DAB1: variants seen among roughly 807,000 people sequenced by gnomAD.
DAB1 encodes disabled homolog 1.
Under a neutral mutation model 64.6 loss-of-function variants are expected in DAB1, and 15 were observed. The observed-to-expected ratio is 0.23, with a 90% CI of 0.16 to 0.36. The LOEUF is 0.36. DAB1 is among the 10% of genes least tolerant of loss of function. The pLI is 1.00. For synonymous variants in DAB1, 235 were observed against 251.9 expected (o/e 0.93, Z 0.64); for missense variants, 596 against 706.7 (o/e 0.84, Z 1.78).
intron 6 of DAB1, among the ~76,000 whole-genome samples, chr1:57,795,647 C>A (rs1650809428): frequency 7.3e-6 from 1 of 136,346 alleles, no homozygotes; most frequent in East Asian, 2.3e-4. Context: ...TTTTATTTTA[C>A]TTATACTCTT....
chr1:57,190,872 A>T lies in DAB1; in HGVS notation c.68-45443T>A, dbSNP rs553446460. On this transcript the variant is annotated intron_variant, in intron 2 of 14. Transcript: ENST00000371236. ...AATCCTCTAAAGTGCAGATTTAGGAATACTTCAGACTTACAAGTGGTTTTG... is the reference window on the plus strand; with the variant it reads ...AATCCTCTAAAGTGCAGATTTAGGATTACTTCAGACTTACAAGTGGTTTTG... Among the ~76,000 whole-genome samples the T allele has an allele frequency of 2.0e-5, 3 of 152,316 alleles. No homozygotes were observed. The East Asian group carries it at 5.8e-4, about 29-fold the overall frequency.
intron 6 of DAB1, among the ~76,000 whole-genome samples, chr1:57,798,372 CT>C (rs759012163): frequency 6.6e-6 from 1 of 152,172 alleles, no homozygotes; most frequent in Non-Finnish European, 1.5e-5. Context: ...TATTGGCTGC[CT>C]GCTTTGACAG....
In DAB1 at chr1:58,012,371, G is replaced by A. The variant is rs141667010; in HGVS notation, n.388-128209C>T. Among the ~76,000 whole-genome samples, 1,294 of 152,158 alleles carry A rather than the reference G, an allele frequency of 8.5e-3. 10 individuals carry two copies. The highest frequency in any genetic ancestry group is 0.041 in the Middle Eastern group (12 of 294). ...GGGACTCAGGTTGCCTTCATTATAC[G>A]TCTCTGACACCCCTGTGGCCTCTTC... is the stretch of plus-strand genomic sequence containing the variant. On this transcript the variant is annotated intron_variant and non_coding_transcript_variant, in intron 5 of 20. Transcript: ENST00000485760.
chr1:57,986,591 C>T (rs1646224627), intron 5 of DAB1, among the ~76,000 whole-genome samples: 1 of 152,148 alleles, frequency 6.6e-6, no homozygotes, highest in African/African-American at 2.4e-5. Context: ...TTACAGAGGA[C>T]CACGTGTTCT....
intron 2 of DAB1, among the ~76,000 whole-genome samples, chr1:58,518,921 T>A (rs1272906265): frequency 6.6e-6 from 1 of 152,134 alleles, no homozygotes; most frequent in African/African-American, 2.4e-5. Context: ...TGAGAAAAGT[T>A]GAGGCACAAA....
intron 1 of DAB1, among the ~76,000 whole-genome samples, chr1:57,395,135 A>C (rs1682700715): frequency 6.6e-6 from 1 of 152,050 alleles, no homozygotes; most frequent in Non-Finnish European, 1.5e-5. Context: ...GGCGATTCTC[A>C]TGCCTCAGCC....
intron 7 of DAB1, among the ~76,000 whole-genome samples, chr1:57,510,086 G>A (rs1274780536): frequency 6.6e-6 from 1 of 152,140 alleles, no homozygotes; most frequent in South Asian, 2.1e-4. Flanking sequence ...AATGACAATA[G>A]TTTGCCTTTG....
chr1:57,390,289 C>T (rs1305471193), intron 1 of DAB1, among the ~76,000 whole-genome samples: 1 of 152,162 alleles, frequency 6.6e-6, no homozygotes, highest in African/African-American at 2.4e-5. Context: ...AGTTGTGTGG[C>T]CTTAGGCAAA....
chr1:57,954,119 G>A (rs993198875), intron 5 of DAB1, among the ~76,000 whole-genome samples: 2 of 152,134 alleles, frequency 1.3e-5, no homozygotes, highest in Non-Finnish European at 2.9e-5. Flanking sequence ...GGGATGAGGG[G>A]TGTCCATCCT....
intron 1 of DAB1, among the ~76,000 whole-genome samples, chr1:57,370,088 A>G (rs942137634): frequency 9.9e-5 from 15 of 152,128 alleles, no homozygotes; most frequent in Admixed American, 9.8e-4. Flanking sequence ...GACAGTCCCC[A>G]CCCACAGCCC....
chr1:57,540,830 G>A (rs1052245025), intron 7 of DAB1, among the ~76,000 whole-genome samples: 1 of 152,192 alleles, frequency 6.6e-6, no homozygotes, highest in African/African-American at 2.4e-5. Flanking sequence ...TGTGTAGTGG[G>A]TAGGGGGAAT....
chr1:57,193,899 T>C (rs1001375923), intron 2 of DAB1, among the ~76,000 whole-genome samples: 3 of 152,236 alleles, frequency 2.0e-5, no homozygotes, highest in Non-Finnish European at 4.4e-5. Flanking sequence ...CCAAGTTACT[T>C]AACCTGTCTA....
At chr1:58,474,808 T>C (rs994654422) in intron 3 of DAB1, among the ~76,000 whole-genome samples, 3 of 152,252 alleles carry the variant, frequency 2.0e-5, no homozygotes, top group Non-Finnish European at 2.9e-5. Context: ...TGAAAGCCTT[T>C]GAGTCTCACA....
At chr1:57,149,086 T>C (rs1659419236) in intron 2 of DAB1, among the ~76,000 whole-genome samples, 1 of 152,226 alleles carries the variant, frequency 6.6e-6, no homozygotes, top group Non-Finnish European at 1.5e-5. Context: ...ATTTATATAA[T>C]TGTTATTTTA....
intron 2 of DAB1, among the ~76,000 whole-genome samples, chr1:58,524,853 G>A (rs544698204): frequency 6.6e-6 from 1 of 152,282 alleles, no homozygotes; most frequent in South Asian, 2.1e-4. Flanking sequence ...AGAACTGCAA[G>A]AGACCATTTA....
intron 1 of DAB1, among the ~76,000 whole-genome samples, chr1:57,343,503 C>T (rs1677818244): frequency 6.6e-6 from 1 of 152,230 alleles, no homozygotes; most frequent in South Asian, 2.1e-4. Flanking sequence ...GAGCAGGGGG[C>T]TGCGCTCATT....
At chr1:57,544,555 C>G (rs2691447) in intron 7 of DAB1, among the ~76,000 whole-genome samples, 1 of 152,136 alleles carries the variant, frequency 6.6e-6, no homozygotes, top group African/African-American at 2.4e-5. Flanking sequence ...TCCCACATAG[C>G]GGCCAGAGTG....
chr1:57,398,532 T>G (rs1352086365), intron 1 of DAB1, among the ~76,000 whole-genome samples: 1 of 152,250 alleles, frequency 6.6e-6, no homozygotes, highest in Non-Finnish European at 1.5e-5. Flanking sequence ...CTTTGGGAAC[T>G]TTGCTGAGAG....
intron 1 of DAB1, among the ~76,000 whole-genome samples, chr1:57,338,359 C>T (rs1000823342): frequency 8.5e-5 from 13 of 152,066 alleles, no homozygotes; most frequent in African/African-American, 3.1e-4. Context: ...AGAGTTTTCC[C>T]TGAAAAACCT....
Sources: allele counts gnomAD v4.1 joint callset (sites outside exome capture counted in the v4.1 genomes callset), GRCh38; gene constraint gnomAD v4.1.1; transcripts MANE v1.5; gene names NCBI Gene and HGNC (gene_info 2026-07-23, HGNC 2026-07-21).